CLNK: variants seen among roughly 807,000 people sequenced by gnomAD.
The protein encoded by CLNK is cytokine dependent hematopoietic cell linker, also known as cytokine-dependent hematopoietic cell linker.
In CLNK, 74 loss-of-function variants were observed where a neutral mutation model predicts 68.6. That is an observed-to-expected ratio of 1.08 (90% CI 0.89 to 1.31). The LOEUF (loss-of-function observed/expected upper bound fraction) is 1.31. CLNK is among the 50% of genes most tolerant of loss of function. The pLI is 0.00. For missense variants in CLNK, 553 were observed against 515.3 expected, an observed-to-expected ratio of 1.07 and a Z score of -0.71; for synonymous variants, 198 against 172.2, an observed-to-expected ratio of 1.15 and a Z score of -1.17.
chr4:10,503,259 G>A (rs1404600589), intron 17 of CLNK, among the ~76,000 whole-genome samples: 2 of 151,940 alleles, frequency 1.3e-5, no homozygotes, highest in Non-Finnish European at 2.9e-5. Flanking sequence ...TCAGGAGTTC[G>A]AGACTTAGCC....
intron 18 of CLNK, among the ~76,000 whole-genome samples, chr4:10,493,702 T>C (rs9997269): frequency 0.032 from 4,731 of 146,186 alleles, 244 homozygotes; most frequent in African/African-American, 0.12. Context: ...TAAGGTAAGG[T>C]ACTTTCCCCA....
intron 2 of CLNK, among the ~76,000 whole-genome samples, chr4:10,627,592 G>A (rs1722723413): frequency 6.6e-6 from 1 of 152,186 alleles, no homozygotes; most frequent in South Asian, 2.1e-4. Flanking sequence ...GAGAGACAGA[G>A]AAGGACGGAC....
At chr4:10,601,396 C>T (rs1272538834) in intron 2 of CLNK, among the ~76,000 whole-genome samples, 1 of 152,084 alleles carries the variant, frequency 6.6e-6, no homozygotes, top group Admixed American at 6.5e-5. Flanking sequence ...AAATAAAGAG[C>T]CATCTACCTA....
chr4:10,705,904 G>C, the CLNK span, among the ~76,000 whole-genome samples: 2 of 152,200 alleles, frequency 1.3e-5, no homozygotes, highest in Non-Finnish European at 2.9e-5. Flanking sequence ...GTAAGACACT[G>C]GACTAATTTG....
At chr4:10,543,841 A>G (rs972049396) in intron 8 of CLNK, among the ~76,000 whole-genome samples, 10 of 152,348 alleles carry the variant, frequency 6.6e-5, no homozygotes, top group African/African-American at 2.4e-5. Flanking sequence ...CTGATTGCAC[A>G]CAGAAATAAC....
At chr4:10,500,294 G>A (rs1449054601) in intron 18 of CLNK, among the ~76,000 whole-genome samples, 2 of 152,098 alleles carry the variant, frequency 1.3e-5, no homozygotes, top group African/African-American at 4.8e-5. Flanking sequence ...CTGCCTGTGT[G>A]TCTTTGGCCA....
chr4:10,657,020 A>G (rs1190686605), intron 2 of CLNK, among the ~76,000 whole-genome samples: 2 of 152,212 alleles, frequency 1.3e-5, no homozygotes, highest in Admixed American at 6.5e-5. Flanking sequence ...AATGTCTTAT[A>G]CAAATTAGCT....
intron 1 of CLNK, among the ~76,000 whole-genome samples, chr4:10,682,571 T>C (rs955462207): frequency 2.6e-5 from 4 of 152,178 alleles, no homozygotes; most frequent in African/African-American, 9.7e-5. Flanking sequence ...TTCCTCCCAG[T>C]TTCAAATTAC....
At chr4:10,503,233 G>A (rs1248180701) in intron 17 of CLNK, among the ~76,000 whole-genome samples, 1 of 152,098 alleles carries the variant, frequency 6.6e-6, no homozygotes, top group Non-Finnish European at 1.5e-5. Context: ...GGCCGACGCG[G>A]GTGGATCACT....
intron 2 of CLNK, among the ~76,000 whole-genome samples, chr4:10,617,895 T>A (rs1029441363): frequency 6.6e-6 from 1 of 151,988 alleles, no homozygotes; most frequent in Admixed American, 6.5e-5. Flanking sequence ...TGGAGGCATG[T>A]TCCTTACATC....
At chr4:10,531,827 C>G in intron 12 of CLNK, 1 of 460,244 alleles carries the variant, frequency 2.2e-6, no homozygotes, top group South Asian at 1.5e-5. Flanking sequence ...GGTGGCACGG[C>G]AGGATTCCTA....
intron 7 of CLNK, among the ~76,000 whole-genome samples, chr4:10,563,909 AAAAAG>A (rs371882909): frequency 0.027 from 4,109 of 152,136 alleles, 79 homozygotes; most frequent in Non-Finnish European, 0.043. Flanking sequence ...TCCATCTCAA[AAAAAG>A]AAAAGAAAAG....
intron 11 of CLNK, among the ~76,000 whole-genome samples, chr4:10,538,704 C>T (rs1718898797): frequency 6.6e-6 from 1 of 152,166 alleles, no homozygotes; most frequent in Non-Finnish European, 1.5e-5. Flanking sequence ...ATTTATCCAT[C>T]ATCTACTATA....
rs147599096 is a variant in CLNK, at chr4:10,560,351, G to A, written c.400-1899C>T. ...TGGTTTAGGGCAAGACAGTTGTCAA[G>A]ACCCACCTAAGGGGTCTAGACAAGA... On this transcript the variant is annotated intron_variant, in intron 7 of 18. Coordinates refer to ENST00000226951, the MANE Select transcript of CLNK (RefSeq NM_052964.4). Among the ~76,000 whole-genome samples, 237 of 152,360 alleles carry A rather than the reference G, an allele frequency of 1.6e-3. 1 individual carries two copies. Among genetic ancestry groups the A allele is most frequent in the African/African-American group, 5.3e-3 (220 of 41,594 alleles).
At chr4:10,507,109 C>T (rs1468336117) in intron 17 of CLNK, among the ~76,000 whole-genome samples, 1 of 150,684 alleles carries the variant, frequency 6.6e-6, no homozygotes, top group African/African-American at 2.4e-5. Context: ...CCGGCTGAAA[C>T]TCTCCATGTT....
chr4:10,717,446 A>G, the CLNK span, among the ~76,000 whole-genome samples: 1 of 152,052 alleles, frequency 6.6e-6, no homozygotes, highest in African/African-American at 2.4e-5. Context: ...AAATACAAAA[A>G]TCAGCCGGAT....
intron 11 of CLNK, 54 bp from the exon 12 acceptor site, chr4:10,532,337 A>T (rs371792308): frequency 1.6e-5 from 23 of 1,440,338 alleles, no homozygotes; most frequent in African/African-American, 1.1e-4. Context: ...AATGACCAAG[A>T]TAAAATCATT....
At chr4:10,527,824 G>A (rs1577108169) in intron 13 of CLNK, among the ~76,000 whole-genome samples, 1 of 152,118 alleles carries the variant, frequency 6.6e-6, no homozygotes. Flanking sequence ...AATGCCTTTT[G>A]GACAGTAGCA....
the CLNK span, among the ~76,000 whole-genome samples, chr4:10,689,827 C>T: frequency 7.5e-6 from 1 of 133,438 alleles, no homozygotes; most frequent in African/African-American, 2.8e-5. Context: ...TACAGTTTAG[C>T]ACCTGTTTAC....
Sources: gnomAD v4.1 joint callset for allele counts (sites outside exome capture counted in the v4.1 genomes callset) on GRCh38, gnomAD v4.1.1 for gene constraint, MANE v1.5 for transcripts, NCBI Gene and HGNC (gene_info 2026-07-23, HGNC 2026-07-21) for gene names.